Variants in RGS6 observed in about 807,000 individuals in gnomAD.
RGS6 encodes regulator of G protein signaling 6.
In RGS6, 30 loss-of-function variants were observed where a neutral mutation model predicts 78.5. The ratio of observed to expected loss-of-function variants is 0.38; its 90% CI spans 0.29 to 0.52. The LOEUF (loss-of-function observed/expected upper bound fraction) is 0.52, where lower values mean the gene tolerates loss of function less well. Ranked by LOEUF, RGS6 falls within the 20% of genes least tolerant of loss-of-function variation. The probability of loss-of-function intolerance (pLI) is 0.85; values close to 1 mark genes in which losing one functional copy is unlikely to be tolerated. For missense variants in RGS6, 495 were observed against 609.7 expected (o/e 0.81, Z 1.98); for synonymous variants, 206 against 206.0 (o/e 1.00, Z 0.00).
chr14:72,547,269 C>T (rs576993707), intron 17 of RGS6: 24 of 1,535,606 alleles, frequency 1.6e-5, no homozygotes, highest in East Asian at 2.4e-5. Flanking sequence ...GCCAATGTCA[C>T]GGTCAAGGAG....
chr14:72,601,052 AGAGGAGGAGGAGGGGGAG>A, the RGS6 span, among the ~76,000 whole-genome samples: 1 of 124,062 alleles, frequency 8.1e-6, no homozygotes, highest in Non-Finnish European at 1.7e-5. Context: ...AGAAGGGGGA[AGAGGAGGAGGAGGGGGAG>A]GAGGAGGAAG....
intron 2 of RGS6, among the ~76,000 whole-genome samples, chr14:72,300,050 G>T (rs1303372561): frequency 6.6e-6 from 1 of 151,842 alleles, no homozygotes; most frequent in East Asian, 1.9e-4. Flanking sequence ...TTGCTCCTCA[G>T]ATTATTTAGA....
chr14:72,392,746 C>G (rs934170137), intron 3 of RGS6, among the ~76,000 whole-genome samples: 1 of 152,176 alleles, frequency 6.6e-6, no homozygotes, highest in African/African-American at 2.4e-5. Context: ...GCAAGCCACC[C>G]AGTCTACAAT....
chr14:72,426,343 C>A (rs2094434028), intron 3 of RGS6, among the ~76,000 whole-genome samples: 1 of 152,160 alleles, frequency 6.6e-6, no homozygotes, highest in African/African-American at 2.4e-5. Context: ...TCCAGGATGC[C>A]ACACACATAG....
At chr14:72,244,748 T>A (rs1308365089) in intron 2 of RGS6, among the ~76,000 whole-genome samples, 1 of 152,212 alleles carries the variant, frequency 6.6e-6, no homozygotes, top group Non-Finnish European at 1.5e-5. Context: ...TAAGACCATG[T>A]ATGCCATTGG....
intron 2 of RGS6, among the ~76,000 whole-genome samples, chr14:72,047,651 C>T (rs986075928): frequency 7.2e-5 from 11 of 152,188 alleles, no homozygotes; most frequent in Admixed American, 2.6e-4. Context: ...ATGGCATTAA[C>T]AGTGATTGGT....
intron 2 of RGS6, among the ~76,000 whole-genome samples, chr14:72,005,379 A>G (rs1314966663): frequency 6.6e-6 from 1 of 152,098 alleles, no homozygotes; most frequent in African/African-American, 2.4e-5. Flanking sequence ...TTTTATATTC[A>G]TAAAGAGCAT....
intron 17 of RGS6, among the ~76,000 whole-genome samples, 192 bp from the exon 18 acceptor site, chr14:72,562,225 C>G (rs981515142): frequency 2.0e-5 from 3 of 152,222 alleles, no homozygotes; most frequent in African/African-American, 7.2e-5. Context: ...TTCCCTGGAG[C>G]CCTGGTTTCT....
chr14:72,568,706 G>A (rs903446773), downstream of RGS6, among the ~76,000 whole-genome samples: 5 of 152,164 alleles, frequency 3.3e-5, no homozygotes, highest in East Asian at 1.9e-4. Flanking sequence ...CTAGATCCCC[G>A]TTTGTCTGAC....
intron 12 of RGS6, among the ~76,000 whole-genome samples, chr14:72,493,939 C>T (rs560108730): frequency 1.1e-4 from 17 of 152,280 alleles, no homozygotes; most frequent in African/African-American, 4.1e-4. Context: ...TGCTTCAACA[C>T]AATCAGGGAG....
chr14:72,209,629 A>G (rs563541353), intron 2 of RGS6, among the ~76,000 whole-genome samples: 2 of 152,302 alleles, frequency 1.3e-5, no homozygotes, highest in East Asian at 3.9e-4. Context: ...ATTGTCCCAT[A>G]CATGGTAACA....
chr14:72,152,109 C>T (rs1395749891), intron 2 of RGS6, among the ~76,000 whole-genome samples: 1 of 152,080 alleles, frequency 6.6e-6, no homozygotes, highest in African/African-American at 2.4e-5. Context: ...CTGACACATA[C>T]AGTTAAGTGG....
chr14:72,046,772 C>A (rs1361926551), intron 2 of RGS6, among the ~76,000 whole-genome samples: 1 of 152,172 alleles, frequency 6.6e-6, no homozygotes, highest in Admixed American at 6.5e-5. Flanking sequence ...TCAGAATTTT[C>A]TAGCCAATAA....
At chr14:72,405,891 G>C (rs1021826472) in intron 3 of RGS6, among the ~76,000 whole-genome samples, 2 of 152,182 alleles carry the variant, frequency 1.3e-5, no homozygotes, top group Non-Finnish European at 2.9e-5. Context: ...TTAAAGATTG[G>C]AACGCTGTAT....
intron 3 of RGS6, among the ~76,000 whole-genome samples, chr14:72,422,003 A>T (rs2094206964): frequency 6.6e-6 from 1 of 152,178 alleles, no homozygotes; most frequent in South Asian, 2.1e-4. Context: ...GTGGTAATTG[A>T]ATCATGCGGG....
chr14:72,455,815 A>T (rs1463727038), intron 4 of RGS6, among the ~76,000 whole-genome samples: 1 of 152,196 alleles, frequency 6.6e-6, no homozygotes, highest in African/African-American at 2.4e-5. Flanking sequence ...CTACCTGTTT[A>T]GTTACATTTA....
At chr14:72,188,606 C>T (rs1280890172) in intron 2 of RGS6, among the ~76,000 whole-genome samples, 2 of 152,172 alleles carry the variant, frequency 1.3e-5, no homozygotes, top group Non-Finnish European at 2.9e-5. Context: ...TGTTACGTTG[C>T]ATTCACATCT....
intron 1 of RGS6, among the ~76,000 whole-genome samples, chr14:71,935,996 A>G (rs917943708): frequency 8.1e-6 from 1 of 123,532 alleles, no homozygotes; most frequent in Non-Finnish European, 1.7e-5. Flanking sequence ...GGGTTCTCTT[A>G]GAGGGACAGA....
intron 3 of RGS6, among the ~76,000 whole-genome samples, chr14:72,378,569 C>G (rs2085310426): frequency 6.6e-6 from 1 of 151,870 alleles, no homozygotes. Context: ...ATGAACAACT[C>G]CATGCCAGTA....
Sources: gnomAD v4.1 joint callset for allele counts (sites outside exome capture counted in the v4.1 genomes callset) on GRCh38, gnomAD v4.1.1 for gene constraint, MANE v1.5 for transcripts, NCBI Gene and HGNC (gene_info 2026-07-23, HGNC 2026-07-21) for gene names.